POTEF: variants seen among roughly 807,000 people sequenced by gnomAD.
POTEF encodes the protein POTE ankyrin domain family member F.
POTEF carries 20 observed loss-of-function variants against 83.2 expected under a neutral mutation model. That is an observed-to-expected ratio of 0.24 (90% CI 0.17 to 0.35). The LOEUF is 0.35. Ranked by LOEUF, POTEF falls within the 10% of genes least tolerant of loss-of-function variation. The pLI is 1.00. For synonymous variants in POTEF, 196 were observed against 446.4 expected (o/e 0.44, Z 7.07); for missense variants, 550 against 1,203.2 (o/e 0.46, Z 8.03).
chr2:130,117,813 G>A (rs2104824594), intron 3 of POTEF, among the ~76,000 whole-genome samples: 1 of 152,118 alleles, frequency 6.6e-6, no homozygotes, highest in African/African-American at 2.4e-5. Context: ...TTTTAAAAAT[G>A]TGGTTCTTAC....
chr2:130,116,977 T>C (rs1445715968), intron 3 of POTEF, among the ~76,000 whole-genome samples: 1 of 140,644 alleles, frequency 7.1e-6, no homozygotes, highest in Non-Finnish European at 1.5e-5. Flanking sequence ...TAGTAGAATA[T>C]GCCTGCCACA....
chr2:130,090,685 A>G (rs1428904566), intron 12 of POTEF, among the ~76,000 whole-genome samples: 1 of 144,160 alleles, frequency 6.9e-6, no homozygotes, highest in African/African-American at 2.6e-5. Context: ...AAAACTGCCA[A>G]CTATTAATGT....
At chr2:130,119,381 T>C (rs1684938274) in intron 3 of POTEF, among the ~76,000 whole-genome samples, 1 of 151,924 alleles carries the variant, frequency 6.6e-6, no homozygotes, top group Admixed American at 6.6e-5. Context: ...TTAGCCAGGA[T>C]GGTCTCAATC....
At position 130,080,405 on chromosome 2, in the gene POTEF, TA is replaced by T. The variant is rs1683919075; in HGVS notation, c.1779-3205del. Among the ~76,000 whole-genome samples, 2 of 68,944 alleles carry T rather than the reference TA, an allele frequency of 2.9e-5. 1 individual carries two copies. Among genetic ancestry groups the T allele is most frequent in the Non-Finnish European group, 5.4e-5 (2 of 37,198 alleles). 45.2% of individuals were successfully genotyped at this position (68,944 alleles called of 152,430 possible). A position where few individuals can be genotyped will look rare whatever the true frequency, so the allele number is the denominator to read the frequency against. ...AAAAAAGTGAACAAGAAAAGGAATT[TA>T]AAAACACAGAATATGACTATCACAT... On this transcript the variant is annotated intron_variant, in intron 15 of 16. Coordinates refer to ENST00000409914, the MANE Select transcript of POTEF (RefSeq NM_001099771.2).
chr2:130,128,469 A>G (rs1489892613), intron 1 of POTEF, among the ~76,000 whole-genome samples: 2 of 148,278 alleles, frequency 1.3e-5, no homozygotes, highest in East Asian at 4.1e-4. Flanking sequence ...CCCTAACCTG[A>G]CCCCTGCCGC....
At chr2:130,127,351 A>AAAAAAAAAG (rs1685123552) in intron 2 of POTEF, among the ~76,000 whole-genome samples, 1 of 138,006 alleles carries the variant, frequency 7.2e-6, no homozygotes, top group African/African-American at 2.9e-5. Context: ...AAAAAAAAAA[A>AAAAAAAAAG]GCCACACACA....
At position 130,111,989 on chromosome 2, in the gene POTEF, C is replaced by T; in HGVS notation, c.917+6G>A. 6.4e-7 allele frequency: 1 copy of T among 1,573,754 alleles called. No homozygotes were observed. Among genetic ancestry groups the T allele is most frequent in the Non-Finnish European group, 8.6e-7 (1 of 1,166,886 alleles). On this transcript the variant is annotated splice_donor_region_variant and intron_variant, in intron 6 of 16. Transcript: ENST00000409914. ...ACAACACACAGATTAAAAGAAAGAA[C>T]TATACCTTCCATATCTATCCAGTGC...
chr2:130,104,007 T>A lies in POTEF; in HGVS notation c.1127-1827A>T, dbSNP rs878991245. ...ATGCCTGGACATTAATGTTCAAGAG[T>A]GGTCCCTGATCCTATCTGCATTTAG... On this transcript the variant is annotated intron_variant, in intron 8 of 16. Coordinates refer to ENST00000409914, the MANE Select transcript of POTEF (RefSeq NM_001099771.2). Among the ~76,000 whole-genome samples, 17 of 141,622 alleles carry A rather than the reference T, an allele frequency of 1.2e-4. No homozygotes were observed. In the East Asian group the frequency reaches 1.8e-3, roughly 15 times the overall value. The allele number at this position is 141,622 out of a possible 152,430, so 92.9% of individuals were successfully genotyped here. A position where few individuals can be genotyped will look rare whatever the true frequency, so the allele number is the denominator to read the frequency against.
Position 130,118,919 on chromosome 2 carries a change from A to G in POTEF, c.521+1076T>C, listed in dbSNP as rs568602992. Among the ~76,000 whole-genome samples the G allele has an allele frequency of 2.9e-4, 44 of 150,446 alleles. 1 individual carries two copies. The East Asian group carries it at 8.6e-3, about 29-fold the overall frequency. On this transcript the variant is annotated intron_variant, in intron 3 of 16. Coordinates refer to ENST00000409914, the MANE Select transcript of POTEF (RefSeq NM_001099771.2). ...TTATCAAGCGCTAAATTCTTAACAT[A>G]TATTTGGGTATTTCTAAATTTCCTA...
intron 13 of POTEF, among the ~76,000 whole-genome samples, chr2:130,087,711 C>T (rs1901385): frequency 0.39 from 18,317 of 46,788 alleles, 3,154 homozygotes; most frequent in Admixed American, 0.46. Context: ...CGGCTCACTG[C>T]AAGCTCCCTC....
In POTEF at chr2:130,111,676, A is replaced by G. The variant is rs996202898; in HGVS notation, c.917+319T>C. 2.8e-4 allele frequency among the ~76,000 whole-genome samples: 42 copies of G among 151,122 alleles called. 1 individual carries two copies. Among genetic ancestry groups the G allele is most frequent in the African/African-American group, 1.0e-3 (42 of 40,586 alleles). ...ATTAGAAAGGGTTAAGAAGTTCAAT[A>G]CTGAGTCATAAAGTAAACTAAAAGT... On this transcript the variant is annotated intron_variant, in intron 6 of 16. Coordinates refer to ENST00000409914, the MANE Select transcript of POTEF (RefSeq NM_001099771.2).
At chr2:130,087,630 A>C (rs1364540231) in intron 13 of POTEF, among the ~76,000 whole-genome samples, 1 of 23,628 alleles carries the variant, frequency 4.2e-5, no homozygotes, top group African/African-American at 1.4e-4. Flanking sequence ...GAATCTATTA[A>C]AATTTTTTTT....
chr2:130,112,876 G>A (rs1245299097), intron 5 of POTEF, among the ~76,000 whole-genome samples: 4 of 151,742 alleles, frequency 2.6e-5, no homozygotes, highest in African/African-American at 9.7e-5. Flanking sequence ...TGCTCTTAAC[G>A]ACTTACTGAC....
At chr2:130,117,915 T>C (rs1196208886) in intron 3 of POTEF, among the ~76,000 whole-genome samples, 6 of 151,330 alleles carry the variant, frequency 4.0e-5, no homozygotes, top group African/African-American at 7.3e-5. Context: ...ACTTTGTGGA[T>C]AAAAAACAGT....
intron 5 of POTEF, among the ~76,000 whole-genome samples, chr2:130,113,704 T>G (rs1414069934): frequency 6.7e-6 from 1 of 149,362 alleles, no homozygotes; most frequent in Admixed American, 6.8e-5. Context: ...CAGGCTTTAT[T>G]AGACTTACTG....
Position 130,120,124 on chromosome 2 carries a change from G to A in POTEF, c.392C>T (p.Pro131Leu), listed in dbSNP as rs759505981. ...GDYDDSAFME[P>L]RYHVRGEDLD... ...ATCTTCTCCACGGACGTGGTACCTG[G>A]GCTCCATGAAGGCACTGTCATCGTA... The change falls in exon 3 of 17, where the codon CCC (proline) becomes CTC (leucine). Residue 131 changes from proline to leucine, a missense_variant. Coordinates refer to ENST00000409914, the MANE Select transcript of POTEF (RefSeq NM_001099771.2). 1.6e-5 allele frequency: 25 copies of A among 1,608,564 alleles called. 1 individual carries two copies. In the South Asian group the frequency reaches 2.5e-4, roughly 16 times the overall value.
At chr2:130,087,792 C>T (rs1341364757) in intron 13 of POTEF, among the ~76,000 whole-genome samples, 6 of 8,442 alleles carry the variant, frequency 7.1e-4, no homozygotes, top group Non-Finnish European at 9.1e-4. Flanking sequence ...ACCACCACGC[C>T]CAGCTAAGTT....
Position 130,114,444 on chromosome 2 carries a change from C to T in POTEF, c.810+437G>A, listed in dbSNP as rs545731409. Among the ~76,000 whole-genome samples the T allele has an allele frequency of 3.0e-3, 435 of 144,492 alleles. 6 individuals are homozygous for T. Among genetic ancestry groups the T allele is most frequent in the African/African-American group, 0.011 (420 of 38,422 alleles). 94.8% of individuals were successfully genotyped at this position (144,492 alleles called of 152,430 possible). On this transcript the variant is annotated intron_variant, in intron 5 of 16. Transcript: ENST00000409914. The stretch of plus-strand genomic sequence containing the variant: ...TATCTTAAGCCTTGCCAGTGAGAGG[C>T]GCATCACCTCGTATCTATTACTGTT...
chr2:130,106,366 A>G (rs1239102915), intron 8 of POTEF: 1 of 141,844 alleles, frequency 7.1e-6, no homozygotes, highest in Non-Finnish European at 1.5e-5. Context: ...TATTCACCTC[A>G]TTCCCAACCT....
Sources: allele counts gnomAD v4.1 joint callset (sites outside exome capture counted in the v4.1 genomes callset), GRCh38; gene constraint gnomAD v4.1.1; transcripts MANE v1.5; gene names NCBI Gene and HGNC (gene_info 2026-07-23, HGNC 2026-07-21).